Variants in CNTN4 observed in about 807,000 individuals in gnomAD.
CNTN4 encodes the protein contactin 4.
In CNTN4, 77 loss-of-function variants were observed where a neutral mutation model predicts 122.5. The observed-to-expected ratio is 0.63, with a 90% CI of 0.52 to 0.76. CNTN4 has a LOEUF of 0.76. CNTN4 is among the 30% of genes least tolerant of loss of function. The pLI, the probability that CNTN4 is intolerant of heterozygous loss-of-function variation, is 0.00. For missense variants in CNTN4, 1,256 were observed against 1,259.1 expected (o/e 1.00, Z 0.04); for synonymous variants, 512 against 447.0 (o/e 1.15, Z -1.83).
intron 3 of CNTN4, among the ~76,000 whole-genome samples, chr3:2,429,718 C>T (rs2151186465): frequency 6.6e-6 from 1 of 152,316 alleles, no homozygotes; most frequent in East Asian, 1.9e-4. Context: ...CCTTGAGCTG[C>T]AGTGGGCTCC....
chr3:2,469,848 T>A (rs1330272202), intron 3 of CNTN4, among the ~76,000 whole-genome samples: 1 of 152,172 alleles, frequency 6.6e-6, no homozygotes, highest in Non-Finnish European at 1.5e-5. Flanking sequence ...GTAAATAACT[T>A]TTCACTGTCT....
At chr3:2,758,654 AC>A (rs1200553592) in intron 6 of CNTN4, among the ~76,000 whole-genome samples, 15 of 150,916 alleles carry the variant, frequency 9.9e-5, no homozygotes, top group African/African-American at 3.4e-4. Context: ...TTACAGGCGC[AC>A]ATCACCACAC....
intron 8 of CNTN4, among the ~76,000 whole-genome samples, chr3:2,878,866 G>A (rs1013169502): frequency 2.6e-5 from 4 of 152,096 alleles, no homozygotes; most frequent in African/African-American, 4.8e-5. Context: ...GTAACATGAA[G>A]CAAGCAAGAC....
intron 3 of CNTN4, among the ~76,000 whole-genome samples, chr3:2,564,123 G>C (rs2079061429): frequency 6.6e-6 from 1 of 152,090 alleles, no homozygotes; most frequent in African/African-American, 2.4e-5. Flanking sequence ...AGAAATAGTA[G>C]TATAAGCATG....
At chr3:2,226,319 C>T (rs760058872) in intron 2 of CNTN4, among the ~76,000 whole-genome samples, 1 of 152,068 alleles carries the variant, frequency 6.6e-6, no homozygotes, top group Admixed American at 6.6e-5. Flanking sequence ...GCTATTTGGG[C>T]TCCGTAAGAA....
intron 2 of CNTN4, among the ~76,000 whole-genome samples, chr3:2,122,420 G>C (rs2033863245): frequency 6.6e-6 from 1 of 152,114 alleles, no homozygotes; most frequent in Admixed American, 6.5e-5. Flanking sequence ...TTCACTTAAA[G>C]ATGAATCTTA....
chr3:2,851,292 G>C (rs2093546288), intron 7 of CNTN4, among the ~76,000 whole-genome samples: 1 of 152,174 alleles, frequency 6.6e-6, no homozygotes, highest in African/African-American at 2.4e-5. Context: ...GAGCACAGAA[G>C]TGAAACACTA....
chr3:2,121,368 C>T (rs750233305), intron 2 of CNTN4, among the ~76,000 whole-genome samples: 7 of 151,860 alleles, frequency 4.6e-5, no homozygotes, highest in South Asian at 2.1e-4. Flanking sequence ...TGTGGTGGCA[C>T]GTGCCTGTAA....
intron 2 of CNTN4, among the ~76,000 whole-genome samples, chr3:2,142,118 G>A (rs890007906): frequency 2.0e-5 from 3 of 152,188 alleles, no homozygotes; most frequent in African/African-American, 7.2e-5. Context: ...CTTTGGTTTA[G>A]CATGGGGCTA....
At chr3:2,951,272 GT>G (rs938505312) in intron 13 of CNTN4, among the ~76,000 whole-genome samples, 3 of 152,122 alleles carry the variant, frequency 2.0e-5, no homozygotes, top group Non-Finnish European at 2.9e-5. Context: ...GTGGGAGGTG[GT>G]TTTGGGATAA....
At chr3:2,463,191 T>C (rs2049293427) in intron 3 of CNTN4, among the ~76,000 whole-genome samples, 1 of 151,984 alleles carries the variant, frequency 6.6e-6, no homozygotes, top group South Asian at 2.1e-4. Flanking sequence ...GGCTGTTATC[T>C]ACTAAATGGG....
chr3:2,846,247 A>T (rs1279602306), intron 7 of CNTN4, among the ~76,000 whole-genome samples: 1 of 152,154 alleles, frequency 6.6e-6, no homozygotes, highest in Non-Finnish European at 1.5e-5. Flanking sequence ...GAAACCTGGT[A>T]GGAGGTAATT....
intron 3 of CNTN4, among the ~76,000 whole-genome samples, chr3:2,533,691 G>A (rs1424672959): frequency 6.6e-6 from 1 of 152,152 alleles, no homozygotes; most frequent in East Asian, 1.9e-4. Flanking sequence ...TCTAGTTCTA[G>A]ATCCTTGAGG....
At chr3:2,242,331 C>CAT (rs1348976527) in intron 2 of CNTN4, among the ~76,000 whole-genome samples, 1 of 152,028 alleles carries the variant, frequency 6.6e-6, no homozygotes, top group African/African-American at 2.4e-5. Flanking sequence ...GTCCACATAT[C>CAT]ATAACATGAA....
At chr3:2,672,316 G>A (rs1191769698) in intron 4 of CNTN4, among the ~76,000 whole-genome samples, 5 of 152,182 alleles carry the variant, frequency 3.3e-5, no homozygotes, top group African/African-American at 1.2e-4. Flanking sequence ...AGCAATGGTG[G>A]GCGCCCCTCC....
chr3:2,288,839 A>C (rs1685441), intron 2 of CNTN4, among the ~76,000 whole-genome samples: 9,526 of 152,288 alleles, frequency 0.063, 331 homozygotes, highest in African/African-American at 0.068. Flanking sequence ...GATATAAATT[A>C]GAGAAAAGAG....
intron 6 of CNTN4, among the ~76,000 whole-genome samples, chr3:2,763,676 G>A (rs747609081): frequency 1.3e-5 from 2 of 152,096 alleles, no homozygotes; most frequent in African/African-American, 4.8e-5. Context: ...TAAGAAAGGG[G>A]TCCACTTTCA....
intron 2 of CNTN4, among the ~76,000 whole-genome samples, chr3:2,325,414 A>G (rs1224162472): frequency 6.6e-6 from 1 of 152,242 alleles, no homozygotes; most frequent in Non-Finnish European, 1.5e-5. Flanking sequence ...TGTAGTAAAT[A>G]TCAATAAACC....
chr3:2,355,719 T>C (rs2044844521), intron 3 of CNTN4, among the ~76,000 whole-genome samples: 1 of 152,212 alleles, frequency 6.6e-6, no homozygotes, highest in South Asian at 2.1e-4. Flanking sequence ...ACCCACTGGA[T>C]TGGGTCTCTG....
Sources: gnomAD v4.1 joint callset for allele counts (sites outside exome capture counted in the v4.1 genomes callset) on GRCh38, gnomAD v4.1.1 for gene constraint, MANE v1.5 for transcripts, NCBI Gene and HGNC (gene_info 2026-07-23, HGNC 2026-07-21) for gene names.